NUGGC: variants seen among roughly 807,000 people sequenced by gnomAD.
NUGGC encodes nuclear GTPase SLIP-GC.
Under a neutral mutation model 92.6 loss-of-function variants are expected in NUGGC, and 58 were observed. That is an observed-to-expected ratio of 0.63 (90% CI 0.51 to 0.78). NUGGC has a LOEUF of 0.78. Ranked by LOEUF, NUGGC falls within the 30% of genes least tolerant of loss-of-function variation. The pLI, the probability that NUGGC is intolerant of heterozygous loss-of-function variation, is 0.00. For synonymous variants in NUGGC, 376 were observed against 366.4 expected (o/e 1.03, Z -0.30); for missense variants, 925 against 964.6 (o/e 0.96, Z 0.54).
Position 28,034,940 on chromosome 8 carries a change from T to C in NUGGC, c.1612-1243A>G, listed in dbSNP as rs570695716. Among the ~76,000 whole-genome samples the C allele has an allele frequency of 8.5e-5, 13 of 152,354 alleles. 1 individual carries two copies. In the South Asian group the frequency reaches 1.2e-3, roughly 15 times the overall value. ...TCGGTTATTTTCCTATGTTAAATAA[T>C]GATACGATGTTAGTATGTAATTGTC... On this transcript the variant is annotated intron_variant, in intron 13 of 18. Coordinates refer to ENST00000413272, the MANE Select transcript of NUGGC (RefSeq NM_001010906.2).
At chr8:28,026,917 G>T in intron 18 of NUGGC, 45 bp downstream of exon 18, 1 of 1,299,998 alleles carries the variant, frequency 7.7e-7, no homozygotes, top group South Asian at 1.2e-5. Context: ...CACAGCCAGG[G>T]CTGTCTGCAC....
intron 12 of NUGGC, among the ~76,000 whole-genome samples, chr8:28,043,262 C>A (rs1385471285): frequency 6.6e-6 from 1 of 152,158 alleles, no homozygotes; most frequent in Non-Finnish European, 1.5e-5. Flanking sequence ...AAGAAGCTGG[C>A]ACTTAGTATG....
chr8:28,050,086 T>TA (rs1307886464), intron 10 of NUGGC, among the ~76,000 whole-genome samples: 5 of 149,560 alleles, frequency 3.3e-5, no homozygotes, highest in Non-Finnish European at 7.4e-5. Flanking sequence ...GACACTATCT[T>TA]AAAAAAATTA....
intron 14 of NUGGC, 59 bp downstream of exon 14, chr8:28,033,481 A>G (rs571075386): frequency 2.0e-6 from 3 of 1,518,184 alleles, no homozygotes; most frequent in Non-Finnish European, 2.7e-6. Flanking sequence ...ATTCTTAAAG[A>G]CTGGCTCCAC....
intron 1 of NUGGC, among the ~76,000 whole-genome samples, chr8:28,079,081 G>T (rs1405102933): frequency 6.6e-6 from 1 of 152,202 alleles, no homozygotes; most frequent in Non-Finnish European, 1.5e-5. Context: ...GCACAGAACT[G>T]ATTTCCTGAT....
chr8:28,068,590 C>G (rs1384239422), intron 4 of NUGGC, among the ~76,000 whole-genome samples, 152 bp from the exon 5 acceptor site: 8 of 152,186 alleles, frequency 5.3e-5, no homozygotes, highest in African/African-American at 1.7e-4. Flanking sequence ...GAATATCAAT[C>G]CCTGTTGACC....
rs200421998 is a variant in NUGGC at position 28,080,688 on chromosome 8, T to C, written c.-47+3087A>G. Among the ~76,000 whole-genome samples the C allele has an allele frequency of 3.9e-5, 6 of 152,188 alleles. No homozygotes were observed. In the East Asian group the frequency reaches 7.7e-4, roughly 20 times the overall value. On this transcript the variant is annotated intron_variant, in intron 1 of 18. Transcript: ENST00000413272. Reference sequence around the variant, plus strand: ...TCTAGATATAGATATATATCTTAGATGGTAAGATCAAGAATAGCAGAAATT... The same window carrying C: ...TCTAGATATAGATATATATCTTAGACGGTAAGATCAAGAATAGCAGAAATT...
chr8:28,041,122 C>T lies in NUGGC; in HGVS notation c.1540G>A (p.Glu514Lys), dbSNP rs1003451676. 19 of 1,609,002 alleles carry T rather than the reference C, an allele frequency of 1.2e-5. No individual in the cohort carries two copies. Among genetic ancestry groups the T allele is most frequent in the East Asian group, 2.2e-5 (1 of 44,672 alleles). ...CTGACCCCTTCTTGCAGAGGCTGCT[C>T]CATGCAGGCGAAGCACTGTGCGATG... is the stretch of plus-strand genomic sequence containing the variant. ...KAIAQCFACMEQPLQEGVRTA... is the reference protein window; with the variant it reads ...KAIAQCFACMKQPLQEGVRTA... Residue 514 changes from glutamate (E) to lysine (K), a missense_variant, in exon 13 of 19, where the codon GAG becomes AAG. By Grantham distance (56) the Glu-to-Lys change is moderately conservative (BLOSUM62 1). Transcript: ENST00000413272.
rs150504368 is a variant in NUGGC at position 28,041,244 on chromosome 8, G to A, written c.1447-29C>T. 4,953 of 1,589,870 alleles carry A rather than the reference G, an allele frequency of 3.1e-3. 31 individuals are homozygous for A. Among genetic ancestry groups the A allele is most frequent in the Non-Finnish European group, 3.2e-3 (3,728 of 1,165,768 alleles). ...GGGACAAGGACCATAAAAGAATCAG[G>A]CCACCCCCTCCCTAAGGGCACCTTC... On this transcript the variant is annotated intron_variant, in intron 12 of 18. Transcript: ENST00000413272.
chr8:28,067,376 C>T (rs552148655), intron 6 of NUGGC, 138 bp downstream of exon 6: 74 of 648,330 alleles, frequency 1.1e-4, no homozygotes, highest in Non-Finnish European at 1.6e-4. Flanking sequence ...ACTTGGGCTA[C>T]GGATACTTCT....
intron 17 of NUGGC, among the ~76,000 whole-genome samples, chr8:28,028,724 G>A (rs550319025): frequency 4.6e-5 from 7 of 152,320 alleles, no homozygotes; most frequent in East Asian, 1.9e-4. Flanking sequence ...AACTGTCTTC[G>A]GGGGTAGATA....
At chr8:28,075,946 A>G (rs1810711135) in intron 1 of NUGGC, among the ~76,000 whole-genome samples, 1 of 152,132 alleles carries the variant, frequency 6.6e-6, no homozygotes, top group African/African-American at 2.4e-5. Flanking sequence ...GCATTTTAGC[A>G]CATGTGGGGT....
At chr8:28,055,245 T>C (rs1313642837) in intron 10 of NUGGC, among the ~76,000 whole-genome samples, 1 of 151,994 alleles carries the variant, frequency 6.6e-6, no homozygotes, top group African/African-American at 2.4e-5. Context: ...AAAGTGAGAC[T>C]AAGTCTCAAA....
intron 6 of NUGGC, 72 bp downstream of exon 6, chr8:28,067,442 C>T (rs1810464366): frequency 2.1e-6 from 2 of 946,196 alleles, no homozygotes; most frequent in East Asian, 2.6e-5. Context: ...ACAAGCCCAT[C>T]CCCTGAAACA....
chr8:28,025,138 C>A (rs908945176), intron 18 of NUGGC, among the ~76,000 whole-genome samples: 1 of 152,244 alleles, frequency 6.6e-6, no homozygotes, highest in African/African-American at 2.4e-5. Context: ...GTGTCCTCAG[C>A]ACCCAGAACA....
chr8:28,061,169 C>G (rs1810295776), intron 7 of NUGGC, among the ~76,000 whole-genome samples: 1 of 152,198 alleles, frequency 6.6e-6, no homozygotes, highest in Non-Finnish European at 1.5e-5. Flanking sequence ...GGTGGTGCAC[C>G]TACCCTCAAG....
chr8:28,058,628 C>T lies in NUGGC; in HGVS notation c.1098-352G>A, dbSNP rs536227332. Among the ~76,000 whole-genome samples the T allele has an allele frequency of 2.0e-5, 3 of 152,284 alleles. No homozygotes were observed. In the East Asian group the frequency reaches 5.8e-4, roughly 29 times the overall value. ...TTAGATGGTGAGCTCAAAGACTGGG[C>T]AATGTGCCTCTGAATCCACAGCCCC... On this transcript the variant is annotated intron_variant, in intron 8 of 18. Transcript: ENST00000413272.
At position 28,041,069 on chromosome 8, in the gene NUGGC, G is replaced by T; in HGVS notation, c.1593C>A (p.Ile531=). The change falls in exon 13 of 19, where the codon ATC becomes ATA. Residue 531 remains isoleucine (I), a synonymous_variant. Coordinates refer to ENST00000413272, the MANE Select transcript of NUGGC (RefSeq NM_001010906.2). The part of the protein sequence containing the change: ...VRTARTSYRC[I]LRACLVRSKG... The stretch of plus-strand genomic sequence containing the variant: ...CACTCACCACCAAGCATGCTCTGAG[G>T]ATGCAGCGGTAAGAAGTCCTGGCGG... 1 of 1,605,426 alleles carries T rather than the reference G, an allele frequency of 6.2e-7. No homozygotes were observed. Among genetic ancestry groups the T allele is most frequent in the Non-Finnish European group, 8.5e-7 (1 of 1,176,112 alleles).
At chr8:28,068,729 TC>T (rs948950157) in intron 4 of NUGGC, among the ~76,000 whole-genome samples, 2 of 152,182 alleles carry the variant, frequency 1.3e-5, no homozygotes, top group Non-Finnish European at 2.9e-5. Context: ...AATTGCATAT[TC>T]TTTTTTTTGT....
Sources: allele counts gnomAD v4.1 joint callset (sites outside exome capture counted in the v4.1 genomes callset), GRCh38; gene constraint gnomAD v4.1.1; transcripts MANE v1.5; gene names NCBI Gene and HGNC (gene_info 2026-07-23, HGNC 2026-07-21).